The following TAF5 variants were observed in gnomAD, a reference collection of about 807,000 sequenced individuals.
TAF5 encodes the protein transcription initiation factor TFIID subunit 5.
Under a neutral mutation model 80.9 loss-of-function variants are expected in TAF5, and 20 were observed. That is an observed-to-expected ratio of 0.25 (90% CI 0.17 to 0.36). The LOEUF is 0.36. TAF5 is among the 10% of genes least tolerant of loss of function. The pLI, the probability that TAF5 is intolerant of heterozygous loss-of-function variation, is 1.00. For missense variants in TAF5, 863 were observed against 1,029.4 expected (o/e 0.84, Z 2.21); for synonymous variants, 388 against 406.4 (o/e 0.95, Z 0.55).
Position 103,374,521 on chromosome 10 carries a change from G to A in TAF5, c.797+926G>A, listed in dbSNP as rs2093366376. Among the ~76,000 whole-genome samples, 1 of 152,186 alleles carries A rather than the reference G, an allele frequency of 6.6e-6. No individual in the cohort carries two copies. The highest frequency in any genetic ancestry group is 1.5e-5 in the Non-Finnish European group (1 of 68,032). ...TCTTAACAGTCAGTGGCCACACCTA[G>A]CTACAAGGGAAATAAGAAATGTAGT... On this transcript the variant is annotated intron_variant, in intron 2 of 10. Coordinates refer to ENST00000369839, the MANE Select transcript of TAF5 (RefSeq NM_006951.5). The surrounding 1 kb of genome is among the most constrained non-coding windows in gnomAD (Gnocchi z 4.3).
intron 5 of TAF5, among the ~76,000 whole-genome samples, chr10:103,380,663 G>A (rs2093380686): frequency 6.6e-6 from 1 of 150,814 alleles, no homozygotes; most frequent in South Asian, 2.1e-4. Context: ...CACCTAGGGT[G>A]GAGTGCAGAG....
rs147420719 is a variant in TAF5, at chr10:103,380,064, G to A, written c.1413+45G>A. The A allele has an allele frequency of 2.5e-4, 392 of 1,580,586 alleles. 4 individuals carry two copies. Among genetic ancestry groups the A allele is most frequent in the South Asian group, 2.0e-3 (173 of 85,782 alleles). On this transcript the variant is annotated intron_variant, in intron 5 of 10. Transcript: ENST00000369839. ...GATTTCTGCCTGGAGAGTCATGTAG[G>A]ATGATGATTTACCATTAAGAGAGAA...
At chr10:103,373,651 G>A (rs770579934) in intron 2 of TAF5, 56 bp downstream of exon 2, 84 of 1,298,300 alleles carry the variant, frequency 6.5e-5, no homozygotes, top group Middle Eastern at 1.9e-4. Context: ...GTGTGTGTGC[G>A]TGCATATGTT....
chr10:103,368,071 G>A lies in TAF5; in HGVS notation c.82G>A (p.Ala28Thr). 1 of 1,430,580 alleles carries A rather than the reference G, an allele frequency of 7.0e-7. No individual in the cohort carries two copies. Among genetic ancestry groups the A allele is most frequent in the Non-Finnish European group, 9.1e-7 (1 of 1,094,060 alleles). 88.6% of individuals were successfully genotyped at this position (1,430,580 alleles called of 1,614,324 possible). The change falls in exon 1 of 11, where the codon GCG (alanine) becomes ACG (threonine). Residue 28 changes from alanine (A) to threonine (T), a missense_variant. By Grantham distance (58) the Ala-to-Thr change is moderately conservative. This residue lies in a region of TAF5 where 367 missense variants were observed against 335.5 expected (regional missense o/e 1.09). Transcript: ENST00000369839. ...ACCGCCAACGCTGCTACCTCCGCAGGCGGGGGACGGCGCAGGCGAGGGTAG... is the reference window on the plus strand; with the variant it reads ...ACCGCCAACGCTGCTACCTCCGCAGACGGGGGACGGCGCAGGCGAGGGTAG... ...EGPPTLLPPQ[A>T]GDGAGEGSGG... is the part of the protein sequence containing the mutation.
chr10:103,376,178 G>A (rs1454929972), intron 2 of TAF5, among the ~76,000 whole-genome samples: 12 of 150,952 alleles, frequency 7.9e-5, no homozygotes, highest in African/African-American at 2.7e-4. Context: ...TGCAACCTCC[G>A]CCTCCTAGGT....
intron 2 of TAF5, among the ~76,000 whole-genome samples, chr10:103,377,855 T>C (rs565840289): frequency 6.6e-6 from 1 of 152,274 alleles, no homozygotes; most frequent in South Asian, 2.1e-4. Context: ...TAAAAGTGGG[T>C]TTTGAGAAAC....
intron 1 of TAF5, among the ~76,000 whole-genome samples, chr10:103,371,097 G>A (rs1294027486): frequency 6.6e-6 from 1 of 152,078 alleles, no homozygotes; most frequent in Admixed American, 6.6e-5. Flanking sequence ...AAAAAAATTA[G>A]CTGGGCGTGG....
In TAF5 at chr10:103,387,351, A is replaced by G; in HGVS notation, c.2006A>G (p.Lys669Arg). 6.2e-7 allele frequency: 1 copy of G among 1,609,644 alleles called. No individual in the cohort carries two copies. Among genetic ancestry groups the G allele is most frequent in the Non-Finnish European group, 8.5e-7 (1 of 1,177,832 alleles). Residue 669 changes from lysine (K) to arginine (R), a missense_variant and splice_region_variant, in exon 9 of 11, where the codon AAG (lysine) becomes AGG (arginine). Lys to Arg is a conservative substitution (Grantham distance 26). Transcript: ENST00000369839. The part of the protein sequence containing the change: ...GNCVRIFTGH[K>R]GPIHSLTFSP... Reference sequence around the variant, plus strand: ...TGTGTAAGGATCTTCACTGGACACAAGGTATTTTACACTCTTACTATTCCA... The same window carrying G: ...TGTGTAAGGATCTTCACTGGACACAGGGTATTTTACACTCTTACTATTCCA...
Position 103,383,231 on chromosome 10 carries a change from AT to A in TAF5, c.1535-3del. ...TATAAAATATCAATATTTCTGGACC[AT>A]TTTAGATCTTAGTCTTATAGACAAA... On this transcript the variant is annotated splice_polypyrimidine_tract_variant and splice_region_variant and intron_variant, in intron 6 of 10. Transcript: ENST00000369839. 6.4e-7 allele frequency: 1 copy of A among 1,562,808 alleles called. No homozygotes were observed.
chr10:103,377,426 G>A (rs2093372444), intron 2 of TAF5, among the ~76,000 whole-genome samples: 1 of 152,196 alleles, frequency 6.6e-6, no homozygotes, highest in African/African-American at 2.4e-5. Context: ...ATCAGAGCTG[G>A]AGCCCTAATA....
chr10:103,380,962 T>A (rs1333033620), intron 5 of TAF5, among the ~76,000 whole-genome samples: 3 of 151,916 alleles, frequency 2.0e-5, no homozygotes, highest in African/African-American at 7.3e-5. Flanking sequence ...TTTAATTTCA[T>A]TTTTTGAGAT....
chr10:103,381,833 A>C lies in TAF5; in HGVS notation c.1526A>C (p.Gln509Pro). ...VTPKKLRSVK[Q>P]ASDLSLIDKE... The stretch of plus-strand genomic sequence containing the variant: ...CCCAAAAAGCTTCGTAGTGTCAAAC[A>C]AGCATCAGGTAACTGAGATGACCTT... The change falls in exon 6 of 11, where the codon CAA becomes CCA. Residue 509 changes from glutamine to proline, a missense_variant. By Grantham distance (76) the Gln-to-Pro change is moderately conservative. Around this residue, in one of 3 missense-constraint regions of TAF5, gnomAD observed 368 missense variants for 461.7 expected, o/e 0.80. Coordinates refer to ENST00000369839, the MANE Select transcript of TAF5 (RefSeq NM_006951.5). 1 of 1,614,236 alleles carries C rather than the reference A, an allele frequency of 6.2e-7. No homozygotes were observed.
Position 103,377,805 on chromosome 10 carries a change from A to G in TAF5, c.798-430A>G, listed in dbSNP as rs149660687. On this transcript the variant is annotated intron_variant, in intron 2 of 10. Coordinates refer to ENST00000369839, the MANE Select transcript of TAF5 (RefSeq NM_006951.5). ...GTACTGTGTACATTGAGTTCATTAT[A>G]CTCTTTTTTATGCCTTTGAAATTTT... 1.7e-4 allele frequency among the ~76,000 whole-genome samples: 26 copies of G among 152,146 alleles called. No homozygotes were observed. In the East Asian group the frequency reaches 3.5e-3, roughly 20 times the overall value.
chr10:103,372,724 C>T (rs1181263556), intron 1 of TAF5, among the ~76,000 whole-genome samples: 10 of 151,050 alleles, frequency 6.6e-5, no homozygotes, highest in South Asian at 2.1e-4. Context: ...AGTGAAACCC[C>T]GTCTCTACTA....
Position 103,388,217 on chromosome 10 carries a change from A to G in TAF5, c.2397A>G (p.Pro799=). ...NLVLAAGAYS[P]Q is the part of the protein sequence containing the mutation. Reference sequence around the variant, plus strand: ...TTCTAGCTGCAGGAGCTTATAGTCCACAATAAACCATCGGTATTAAAGACC... The same window carrying G: ...TTCTAGCTGCAGGAGCTTATAGTCCGCAATAAACCATCGGTATTAAAGACC... The change falls in exon 11 of 11, where the codon CCA becomes CCG. Residue 799 remains proline (P), a synonymous_variant. Transcript: ENST00000369839. The G allele has an allele frequency of 6.2e-7, 1 of 1,612,234 alleles. No individual in the cohort carries two copies. The highest frequency in any genetic ancestry group is 1.1e-5 in the South Asian group (1 of 90,720).
chr10:103,379,283 G>C (rs1460692951), intron 3 of TAF5, among the ~76,000 whole-genome samples: 1 of 152,164 alleles, frequency 6.6e-6, no homozygotes, highest in East Asian at 1.9e-4. Context: ...AGGACAAAAG[G>C]CATATCTCTG....
At chr10:103,376,047 A>C (rs2093369261) in intron 2 of TAF5, among the ~76,000 whole-genome samples, 1 of 142,742 alleles carries the variant, frequency 7.0e-6, no homozygotes, top group African/African-American at 2.5e-5. Flanking sequence ...GAAGAGTGAA[A>C]GTCTATCTCA....
At chr10:103,384,705 T>G (rs2093391555) in intron 7 of TAF5, among the ~76,000 whole-genome samples, 1 of 152,210 alleles carries the variant, frequency 6.6e-6, no homozygotes, top group African/African-American at 2.4e-5. Context: ...ACTTTGAGAA[T>G]TAGGTTTTTT....
In TAF5 at chr10:103,368,212, C is replaced by A. The variant is rs765722591; in HGVS notation, c.223C>A (p.Pro75Thr). The A allele has an allele frequency of 7.1e-7, 1 of 1,415,096 alleles. No homozygotes were observed. Among genetic ancestry groups the A allele is most frequent in the Non-Finnish European group, 9.2e-7 (1 of 1,086,282 alleles). The allele number at this position is 1,415,096 out of a possible 1,614,324, so 87.7% of individuals were successfully genotyped here. Residue 75 changes from proline (P) to threonine (T), a missense_variant, in exon 1 of 11, where the codon CCG (proline) becomes ACG (threonine). By Grantham distance (38) the Pro-to-Thr change is conservative. Around this residue, in one of 3 missense-constraint regions of TAF5, gnomAD observed 367 missense variants for 335.5 expected, o/e 1.09. Transcript: ENST00000369839. ...KPTVAVSAAA[P>T]AGAAPVPAAA... The stretch of plus-strand genomic sequence containing the variant: ...CACGGTGGCTGTCTCCGCCGCTGCC[C>A]CGGCGGGGGCGGCCCCGGTGCCCGC...
Sources: gnomAD v4.1 joint callset for allele counts (sites outside exome capture counted in the v4.1 genomes callset) on GRCh38, gnomAD v4.1.1 for gene constraint, gnomAD v4.1.1 regional missense constraint, Gnocchi (gnomAD v3.1) non-coding constraint, MANE v1.5 for transcripts, NCBI Gene and HGNC (gene_info 2026-07-23, HGNC 2026-07-21) for gene names.